Variants in CBFA2T3 observed in about 807,000 individuals in gnomAD.
CBFA2T3 encodes CBFA2/RUNX1 partner transcriptional co-repressor 3.
In CBFA2T3, 31 loss-of-function variants were observed where a neutral mutation model predicts 58.6. That is an observed-to-expected ratio of 0.53 (90% CI 0.40 to 0.71). The LOEUF is 0.71. Ranked by LOEUF, CBFA2T3 falls within the 30% of genes least tolerant of loss-of-function variation. The probability of loss-of-function intolerance (pLI) is 0.00; values close to 1 mark genes in which losing one functional copy is unlikely to be tolerated. For synonymous variants in CBFA2T3, 531 were observed against 421.9 expected, an observed-to-expected ratio of 1.26 and a Z score of -3.17; for missense variants, 1,076 against 963.1, an observed-to-expected ratio of 1.12 and a Z score of -1.55.
chr16:88,966,058 T>C (rs1972493332), intron 1 of CBFA2T3, among the ~76,000 whole-genome samples: 3 of 152,310 alleles, frequency 2.0e-5, no homozygotes, highest in African/African-American at 7.2e-5. Context: ...GGGCCACTCC[T>C]TGGCCAGGGA....
At chr16:88,880,224 C>CTAA (rs1969012515) in intron 10 of CBFA2T3, among the ~76,000 whole-genome samples, 2 of 146,252 alleles carry the variant, frequency 1.4e-5, no homozygotes, top group Admixed American at 1.3e-4. Context: ...GTACCGCTGC[C>CTAA]CAACCCTAAC....
At position 88,885,649 on chromosome 16, in the gene CBFA2T3, C is replaced by G. The variant is rs954324708; in HGVS notation, c.893+312G>C. On this transcript the variant is annotated intron_variant, in intron 6 of 11. Transcript: ENST00000268679. This position sits in a 1 kb window ranked among gnomAD's most constrained non-coding sequence, Gnocchi z 5.3. ...GGCAGCAGAGGGGGCCCAGCCCAGG[C>G]ACCTGGGGACCATGGACCCCGGACG... 28 of 425,344 alleles carry G rather than the reference C, an allele frequency of 6.6e-5. No individual in the cohort carries two copies. The highest frequency in any genetic ancestry group is 6.0e-4 in the Middle Eastern group (1 of 1,672). The allele number at this position is 425,344 out of a possible 1,614,324, so 26.3% of individuals were successfully genotyped here.
intron 1 of CBFA2T3, among the ~76,000 whole-genome samples, chr16:88,956,847 G>GCCT (rs1480775166): frequency 6.6e-6 from 1 of 152,216 alleles, no homozygotes; most frequent in African/African-American, 2.4e-5. Context: ...CGTCACAGGG[G>GCCT]CCTGCAGCAG....
chr16:88,946,716 C>G (rs1971912639), intron 1 of CBFA2T3, among the ~76,000 whole-genome samples: 1 of 152,100 alleles, frequency 6.6e-6, no homozygotes, highest in South Asian at 2.1e-4. Flanking sequence ...CTCCTGACCT[C>G]ATGATCTGCC....
intron 5 of CBFA2T3, 171 bp from the exon 6 acceptor site, chr16:88,886,313 G>T (rs1260262747): frequency 8.7e-6 from 4 of 457,480 alleles, no homozygotes; most frequent in Non-Finnish European, 1.5e-5. Context: ...GCAGTGCCAT[G>T]GGAGGGTGGC....
rs537788281 is a variant in CBFA2T3 at position 88,885,547 on chromosome 16, C to T, written c.894-278G>A. ...AGAGCCGGACTCGCTGCTCTGGGAA[C>T]GAGGAGAGGGATACACCAGGCTTCC... On this transcript the variant is annotated intron_variant, in intron 6 of 11. Coordinates refer to ENST00000268679, the MANE Select transcript of CBFA2T3 (RefSeq NM_005187.6). This position sits in a 1 kb window ranked among gnomAD's most constrained non-coding sequence, Gnocchi z 5.3. 9.2e-5 allele frequency among the ~76,000 whole-genome samples: 14 copies of T among 152,212 alleles called. No homozygotes were observed. The South Asian group carries it at 1.2e-3, about 14-fold the overall frequency.
At chr16:88,883,987 T>C (rs1420772812) in intron 7 of CBFA2T3, 2 of 152,220 alleles carry the variant, frequency 1.3e-5, no homozygotes, top group African/African-American at 2.4e-5. Context: ...CTCCCCCAAA[T>C]TGCAGAGGAG....
intron 1 of CBFA2T3, among the ~76,000 whole-genome samples, chr16:88,952,566 G>C (rs1036426300): frequency 6.6e-6 from 1 of 151,910 alleles, no homozygotes; most frequent in Non-Finnish European, 1.5e-5. Flanking sequence ...CTCAGCTCCT[G>C]AGCCTGGGGT....
chr16:88,892,194 C>G (rs376164339), intron 4 of CBFA2T3, 50 bp downstream of exon 4: 2 of 1,574,508 alleles, frequency 1.3e-6, no homozygotes, highest in African/African-American at 2.7e-5. Context: ...CCTCATTAAA[C>G]GGAGGGAATA....
chr16:88,875,232 C>T lies in CBFA2T3; in HGVS notation c.*1744G>A, dbSNP rs1425218234. On this transcript the variant is annotated 3_prime_UTR_variant, in exon 12 of 12. Coordinates refer to ENST00000268679, the MANE Select transcript of CBFA2T3 (RefSeq NM_005187.6). ...CGCCACACGCACAGATGCCAGGCTG[C>T]GGGCCGTGCCTGCTGTCTGTCCTTG... 1.8e-5 allele frequency: 4 copies of T among 220,470 alleles called. No homozygotes were observed. In the East Asian group the frequency reaches 2.0e-4, roughly 11 times the overall value. The allele number at this position is 220,470 out of a possible 1,614,324, so 13.7% of individuals were successfully genotyped here. A position where few individuals can be genotyped will look rare whatever the true frequency, so the allele number is the denominator to read the frequency against.
chr16:88,976,799 A>T lies in CBFA2T3; in HGVS notation c.9T>A (p.Ala3=). The part of the protein sequence containing the change: MP[A]SRLRDRAASS... ...TGGCTGCCCTGTCCCTCAGTCTTGA[A>T]GCCGGCATGAGGAGGGCCACCCTCA... Residue 3 remains alanine, a synonymous_variant, in exon 1 of 12, where the codon GCT becomes GCA. Transcript: ENST00000268679. 6.4e-7 allele frequency: 1 copy of T among 1,553,274 alleles called. No homozygotes were observed. Among genetic ancestry groups the T allele is most frequent in the African/African-American group, 1.4e-5 (1 of 73,752 alleles).
intron 1 of CBFA2T3, among the ~76,000 whole-genome samples, chr16:88,908,729 C>T (rs76601811): frequency 0.042 from 6,399 of 152,318 alleles, 185 homozygotes; most frequent in African/African-American, 0.079. Context: ...GAGTAACAAG[C>T]CCTGCTTCCG....
Position 88,885,516 on chromosome 16 carries a change from G to A in CBFA2T3, c.894-247C>T, listed in dbSNP as rs1272878787. On this transcript the variant is annotated intron_variant, in intron 6 of 11. Coordinates refer to ENST00000268679, the MANE Select transcript of CBFA2T3 (RefSeq NM_005187.6). This position sits in a 1 kb window ranked among gnomAD's most constrained non-coding sequence, Gnocchi z 5.3. ...GCTGCATGGCATCCTGGGGCCTGGT[G>A]GTCAAAGAGCCGGACTCGCTGCTCT... Among the ~76,000 whole-genome samples, 5 of 152,262 alleles carry A rather than the reference G, an allele frequency of 3.3e-5. No homozygotes were observed. Among genetic ancestry groups the A allele is most frequent in the Admixed American group, 3.3e-4 (5 of 15,298 alleles).
intron 1 of CBFA2T3, among the ~76,000 whole-genome samples, chr16:88,911,179 C>G (rs77022908): frequency 0.044 from 6,646 of 152,364 alleles, 399 homozygotes; most frequent in African/African-American, 0.13. Context: ...TGGCCCCACT[C>G]ACTCACTCCT....
At chr16:88,902,975 C>T (rs544734437) in intron 1 of CBFA2T3, among the ~76,000 whole-genome samples, 1 of 152,102 alleles carries the variant, frequency 6.6e-6, no homozygotes. Context: ...CCTGCACCCT[C>T]CTCCTGTTAA....
chr16:88,956,992 A>G (rs1427594986), intron 1 of CBFA2T3, among the ~76,000 whole-genome samples: 1 of 142,362 alleles, frequency 7.0e-6, no homozygotes, highest in Admixed American at 6.9e-5. Flanking sequence ...GGCAGCCTGA[A>G]GTCGGCTGAA....
At chr16:88,880,669 G>C (rs1969031045) in intron 10 of CBFA2T3, 51 bp downstream of exon 10, 1 of 1,465,530 alleles carries the variant, frequency 6.8e-7, no homozygotes, top group Non-Finnish European at 9.3e-7. Flanking sequence ...GCGCATCTGG[G>C]GCCCTGGCCT....
intron 1 of CBFA2T3, among the ~76,000 whole-genome samples, chr16:88,905,796 C>T (rs1413943024): frequency 6.7e-6 from 1 of 148,536 alleles, no homozygotes; most frequent in Non-Finnish European, 1.5e-5. Context: ...GAGAGCTAGT[C>T]TGCGGCAGGT....
intron 1 of CBFA2T3, among the ~76,000 whole-genome samples, chr16:88,974,460 A>G (rs1435070982): frequency 6.6e-6 from 1 of 151,978 alleles, no homozygotes; most frequent in Non-Finnish European, 1.5e-5. Flanking sequence ...CTCAGCCCCC[A>G]GGACGCTGTC....
Sources: gnomAD v4.1 joint callset for allele counts (sites outside exome capture counted in the v4.1 genomes callset) on GRCh38, gnomAD v4.1.1 for gene constraint, Gnocchi (gnomAD v3.1) non-coding constraint, MANE v1.5 for transcripts, NCBI Gene and HGNC (gene_info 2026-07-23, HGNC 2026-07-21) for gene names.